The following SPINDOC variants were observed in gnomAD, a reference collection of about 807,000 sequenced individuals.
SPINDOC encodes spindlin interactor and repressor of chromatin-binding protein.
SPINDOC carries 13 observed loss-of-function variants against 30.7 expected under a neutral mutation model. That is an observed-to-expected ratio of 0.42 (90% confidence interval 0.28 to 0.67). The LOEUF (loss-of-function observed/expected upper bound fraction) is 0.67, where lower values mean the gene tolerates loss of function less well. Ranked by LOEUF, SPINDOC falls within the 30% of genes least tolerant of loss-of-function variation. SPINDOC has a pLI of 0.22. For missense variants in SPINDOC, 438 were observed against 518.0 expected, an observed-to-expected ratio of 0.85 and a Z score of 1.50; for synonymous variants, 228 against 211.4, an observed-to-expected ratio of 1.08 and a Z score of -0.68.
chr11:63,822,355 C>CT (rs1345407069), intron 5 of SPINDOC, among the ~76,000 whole-genome samples: 5 of 90,552 alleles, frequency 5.5e-5, no homozygotes, highest in African/African-American at 2.3e-4. Flanking sequence ...GCTAGACTGT[C>CT]TAAAAAAAAA....
At chr11:63,817,694 A>G in intron 1 of SPINDOC, 111 bp from the exon 2 acceptor site, 1 of 998,892 alleles carries the variant, frequency 1.0e-6, no homozygotes. Context: ...CACTTTGGCC[A>G]GAAATGCTCT....
rs1346017065 is a variant in SPINDOC, at chr11:63,813,481, C to T, written c.-206C>T. On this transcript the variant is annotated 5_prime_UTR_variant, in exon 1 of 6. Transcript: ENST00000294244. ...GGATTGAGCCCTCCCCGCCCGGGCTCCCGACGCGCCGAGGTCTCGGGGAGG... is the reference window on the plus strand; with the variant it reads ...GGATTGAGCCCTCCCCGCCCGGGCTTCCGACGCGCCGAGGTCTCGGGGAGG... 2.1e-5 allele frequency: 4 copies of T among 194,776 alleles called. No individual in the cohort carries two copies. Among genetic ancestry groups the T allele is most frequent in the Non-Finnish European group, 2.7e-5 (3 of 109,222 alleles). The allele number at this position is 194,776 out of a possible 1,614,324, so 12.1% of individuals were successfully genotyped here.
rs1203738769 is a variant in SPINDOC at position 63,813,912 on chromosome 11, C to G, written c.127+99C>G. ...GTCCGGGACCCGGGCACCTTCTCAC[C>G]CCCTTCAGCCTTGGGGCCCAGGTTT... On this transcript the variant is annotated intron_variant, in intron 1 of 5. Coordinates refer to ENST00000294244, the MANE Select transcript of SPINDOC (RefSeq NM_138471.3). 9.5e-6 allele frequency: 13 copies of G among 1,365,902 alleles called. No homozygotes were observed. The Admixed American group carries it at 1.3e-4, about 14-fold the overall frequency. The allele number at this position is 1,365,902 out of a possible 1,614,324, so 84.6% of individuals were successfully genotyped here.
Position 63,818,815 on chromosome 11 carries a change from A to AGACTCGCCCACG in SPINDOC, c.750_761dup (p.Asp250_Thr253dup), listed in dbSNP as rs749561211. 5.0e-6 allele frequency: 8 copies of AGACTCGCCCACG among 1,613,838 alleles called. No individual in the cohort carries two copies. The South Asian group carries it at 6.6e-5, about 13-fold the overall frequency. On this transcript the variant is annotated inframe_insertion, in exon 5 of 6. Coordinates refer to ENST00000294244, the MANE Select transcript of SPINDOC (RefSeq NM_138471.3). This position sits in a 1 kb window ranked among gnomAD's most constrained non-coding sequence, Gnocchi z 5.3. ...CCTCCCTTCCAGAGCCCCCATCGCCAGACTCGCCCACGGAGACTTTCGCAG... is the reference window on the plus strand; with the variant it reads ...CCTCCCTTCCAGAGCCCCCATCGCCAGACTCGCCCACGGACTCGCCCACGGAGACTTTCGCAG...
rs146914103 is a variant in SPINDOC at position 63,827,045 on chromosome 11, G to T, written c.1052G>T (p.Arg351Leu). ...DWSRHPQGTK[R>L]VGAGDTSDWP... ...TCCAGGCACCCCCAGGGCACCAAGC[G>T]TGTGGGAGCAGGTGACACCTCAGAC... is the stretch of plus-strand genomic sequence containing the variant. Residue 351 changes from arginine (R) to leucine (L), a missense_variant, in exon 6 of 6, where the codon CGT (arginine) becomes CTT (leucine). This residue lies in a region of SPINDOC where 300 missense variants were observed against 332.8 expected (regional missense o/e 0.90). Transcript: ENST00000294244. 1.2e-6 allele frequency: 2 copies of T among 1,614,094 alleles called. No individual in the cohort carries two copies. The highest frequency in any genetic ancestry group is 1.7e-6 in the Non-Finnish European group (2 of 1,180,032).
intron 1 of SPINDOC, among the ~76,000 whole-genome samples, chr11:63,815,163 A>G (rs1683885364): frequency 6.6e-6 from 1 of 152,234 alleles, no homozygotes; most frequent in African/African-American, 2.4e-5. Context: ...TGGGTATTTA[A>G]TTGAATATAT....
chr11:63,825,318 G>C (rs1021234622), intron 5 of SPINDOC, among the ~76,000 whole-genome samples: 1 of 152,088 alleles, frequency 6.6e-6, no homozygotes, highest in African/African-American at 2.4e-5. Flanking sequence ...GCTCCACCAG[G>C]GCATCCACAT....
chr11:63,814,886 T>G (rs1012042689), intron 1 of SPINDOC, among the ~76,000 whole-genome samples: 2 of 152,258 alleles, frequency 1.3e-5, no homozygotes. Context: ...CTCTCAACCC[T>G]GCAAGGGTGG....
chr11:63,813,857 C>T (rs746612479), intron 1 of SPINDOC, 44 bp downstream of exon 1: 41 of 1,473,898 alleles, frequency 2.8e-5, no homozygotes, highest in Non-Finnish European at 2.7e-6. Context: ...GGTGCGGGGC[C>T]GGGGCTGGGG....
chr11:63,820,850 A>T (rs2015496801), intron 5 of SPINDOC, among the ~76,000 whole-genome samples: 1 of 132,556 alleles, frequency 7.5e-6, no homozygotes, highest in Non-Finnish European at 1.6e-5. Flanking sequence ...AGATCGCGCC[A>T]CTGCACTCCA....
chr11:63,817,833 T>C lies in SPINDOC; in HGVS notation c.156T>C (p.Pro52=). 1 of 1,601,434 alleles carries C rather than the reference T, an allele frequency of 6.2e-7. No individual in the cohort carries two copies. ...RVTQQEKTPP[P]RPSPLEAGSD... is the part of the protein sequence containing the mutation. ...CCCAACAGGAGAAGACCCCACCGCC[T>C]AGACCCAGCCCGCTAGAGGCAGGCA... The change falls in exon 2 of 6, where the codon CCT becomes CCC. Residue 52 remains proline (P), a synonymous_variant. Transcript: ENST00000294244.
At chr11:63,821,705 C>G (rs530157798) in intron 5 of SPINDOC, among the ~76,000 whole-genome samples, 1 of 152,182 alleles carries the variant, frequency 6.6e-6, no homozygotes. Context: ...TGATGGCCAA[C>G]GAGGTGGCTG....
At chr11:63,822,377 A>AG (rs932912477) in intron 5 of SPINDOC, among the ~76,000 whole-genome samples, 1 of 147,440 alleles carries the variant, frequency 6.8e-6, no homozygotes, top group African/African-American at 2.7e-5. Context: ...AAAAAAAAAA[A>AG]AAAGAAACAA....
At chr11:63,815,503 A>C (rs534234817) in intron 1 of SPINDOC, among the ~76,000 whole-genome samples, 1 of 152,346 alleles carries the variant, frequency 6.6e-6, no homozygotes, top group Admixed American at 6.5e-5. Context: ...TGGAGAGGTC[A>C]ACTAAGCAGT....
intron 1 of SPINDOC, among the ~76,000 whole-genome samples, chr11:63,816,037 G>A (rs1004456235): frequency 6.6e-6 from 1 of 152,158 alleles, no homozygotes; most frequent in African/African-American, 2.4e-5. Flanking sequence ...AAAGTGCTAG[G>A]ATTCAGGCGT....
chr11:63,814,187 C>T (rs1445117402), intron 1 of SPINDOC, among the ~76,000 whole-genome samples: 6 of 152,204 alleles, frequency 3.9e-5, no homozygotes, highest in Admixed American at 3.9e-4. Context: ...GAAGGGGAGG[C>T]AAGCACAACG....
intron 5 of SPINDOC, 33 bp downstream of exon 5, chr11:63,819,035 A>T (rs1231938942): frequency 7.4e-7 from 1 of 1,358,892 alleles, no homozygotes. Context: ...CACAGTAGGG[A>T]CCTCGCAGGC....
At chr11:63,819,074 C>A in intron 5 of SPINDOC, 72 bp downstream of exon 5, 1 of 793,644 alleles carries the variant, frequency 1.3e-6, no homozygotes, top group Non-Finnish European at 1.8e-6. Flanking sequence ...CTCAGAGAGG[C>A]TGCTCTATGG....
At chr11:63,825,205 C>G (rs1026229484) in intron 5 of SPINDOC, among the ~76,000 whole-genome samples, 1 of 152,154 alleles carries the variant, frequency 6.6e-6, no homozygotes, top group African/African-American at 2.4e-5. Flanking sequence ...AAAGCCAGAG[C>G]CTTCATGGTG....
Sources: allele counts gnomAD v4.1 joint callset (sites outside exome capture counted in the v4.1 genomes callset), GRCh38; gene constraint gnomAD v4.1.1; regional missense constraint gnomAD v4.1.1; non-coding constraint Gnocchi (gnomAD v3.1); transcripts MANE v1.5; gene names NCBI Gene and HGNC (gene_info 2026-07-23, HGNC 2026-07-21).